LUZP2: variants seen among roughly 807,000 people sequenced by gnomAD.
The protein encoded by LUZP2 is leucine zipper protein 2.
Under a neutral mutation model 51.6 loss-of-function variants are expected in LUZP2, and 52 were observed. The observed-to-expected ratio is 1.01, with a 90% confidence interval of 0.81 to 1.27. The LOEUF (loss-of-function observed/expected upper bound fraction) is 1.27. Ranked by LOEUF, LUZP2 falls within the 50% of genes most tolerant of loss-of-function variation. The pLI is 0.00. For synonymous variants in LUZP2, 154 were observed against 137.3 expected, an observed-to-expected ratio of 1.12 and a Z score of -0.85; for missense variants, 436 against 395.4, an observed-to-expected ratio of 1.10 and a Z score of -0.87.
In LUZP2 at chr11:24,962,303, T is replaced by C. The variant is rs534887143; in HGVS notation, c.523-14288T>C. ...ATTCTCTGTATTTCCCGAATCTGAATGTTGGCCTGCCTTGCTAGATTGGGG... is the reference window on the plus strand; with the variant it reads ...ATTCTCTGTATTTCCCGAATCTGAACGTTGGCCTGCCTTGCTAGATTGGGG... On this transcript the variant is annotated intron_variant, in intron 7 of 11. Transcript: ENST00000336930. Among the ~76,000 whole-genome samples, 6 of 152,332 alleles carry C rather than the reference T, an allele frequency of 3.9e-5. No homozygotes were observed. In the East Asian group the frequency reaches 5.8e-4, roughly 15 times the overall value.
Position 24,996,572 on chromosome 11 carries a change from T to TTTTTATTTTATTTTATTTTA in LUZP2, c.765+13322_765+13341dup, listed in dbSNP as rs67696322. On this transcript the variant is annotated intron_variant, in intron 9 of 11. Coordinates refer to ENST00000336930, the MANE Select transcript of LUZP2 (RefSeq NM_001009909.4). ...TCAGATATTATTTTTCTTTTTTCTT[T>TTTTTATTTTATTTTATTTTA]TTTTATTTTATTTTATTTTATTTTA... Among the ~76,000 whole-genome samples the TTTTTATTTTATTTTATTTTA allele has an allele frequency of 3.6e-3, 478 of 132,624 alleles. 4 individuals are homozygous for TTTTTATTTTATTTTATTTTA. Among genetic ancestry groups the TTTTTATTTTATTTTATTTTA allele is most frequent in the African/African-American group, 0.013 (446 of 34,872 alleles). The allele number at this position is 132,624 out of a possible 152,430, so 87.0% of individuals were successfully genotyped here.
At chr11:24,906,861 C>T (rs1853470795) in intron 6 of LUZP2, among the ~76,000 whole-genome samples, 1 of 151,968 alleles carries the variant, frequency 6.6e-6, no homozygotes, top group Non-Finnish European at 1.5e-5. Context: ...TGTCTTATAC[C>T]TAAGATGTAG....
chr11:24,771,388 G>C (rs145712917), intron 5 of LUZP2, among the ~76,000 whole-genome samples: 1 of 149,150 alleles, frequency 6.7e-6, no homozygotes, highest in Non-Finnish European at 1.5e-5. Flanking sequence ...TATATACATG[G>C]CATCGTATCT....
chr11:24,805,007 C>CTTTTTTTT (rs71044307), intron 5 of LUZP2, among the ~76,000 whole-genome samples: 2 of 141,580 alleles, frequency 1.4e-5, no homozygotes, highest in Non-Finnish European at 1.5e-5. Context: ...ACCCGGCTAA[C>CTTTTTTTT]TTTTTTTTTT....
intron 1 of LUZP2, among the ~76,000 whole-genome samples, chr11:24,687,259 AT>A (rs998343375): frequency 4.2e-5 from 6 of 142,856 alleles, no homozygotes; most frequent in Non-Finnish European, 7.7e-5. Context: ...TAAAAAAAAA[AT>A]TTGAAACTTA....
In LUZP2 at chr11:24,966,302, A is replaced by G. The variant is rs1855581342; in HGVS notation, c.523-10289A>G. ...TTGTTGAGCTGTAAGTTTCATTTGT[A>G]TGTTTTGGATTCGAGTCCTTTCACT... On this transcript the variant is annotated intron_variant, in intron 7 of 11. Transcript: ENST00000336930. Among the ~76,000 whole-genome samples, 3 of 151,292 alleles carry G rather than the reference A, an allele frequency of 2.0e-5. 1 individual carries two copies. In the South Asian group the frequency reaches 6.2e-4, roughly 31 times the overall value.
intron 7 of LUZP2, among the ~76,000 whole-genome samples, chr11:24,960,751 T>C (rs1400536327): frequency 1.3e-5 from 2 of 152,214 alleles, no homozygotes; most frequent in African/African-American, 2.4e-5. Context: ...TTTCCTTCAG[T>C]TCTGCTCTGA....
At chr11:24,703,652 G>A (rs929637097) in intron 1 of LUZP2, among the ~76,000 whole-genome samples, 2 of 148,890 alleles carry the variant, frequency 1.3e-5, no homozygotes, top group African/African-American at 4.9e-5. Flanking sequence ...GTGACACTCT[G>A]TCTTTACTAA....
intron 9 of LUZP2, among the ~76,000 whole-genome samples, chr11:25,030,217 G>A (rs535922146): frequency 6.6e-5 from 10 of 152,046 alleles, no homozygotes; most frequent in African/African-American, 2.4e-4. Flanking sequence ...CTAATTTTTG[G>A]AACTCACATT....
chr11:24,540,901 C>T (rs1040274345), intron 1 of LUZP2, among the ~76,000 whole-genome samples: 1 of 151,990 alleles, frequency 6.6e-6, no homozygotes, highest in Non-Finnish European at 1.5e-5. Context: ...ATAGACAAAA[C>T]ATAATTTAAA....
At chr11:24,761,967 G>A (rs1859996798) in intron 4 of LUZP2, among the ~76,000 whole-genome samples, 1 of 151,772 alleles carries the variant, frequency 6.6e-6, no homozygotes, top group Non-Finnish European at 1.5e-5. Context: ...AGGAATAGAA[G>A]TTAGCTGAAA....
intron 5 of LUZP2, chr11:24,786,659 A>AATATATAAATATGTATATTATATATTT (rs1564890615): frequency 3.7e-4 from 6 of 16,322 alleles, no homozygotes; most frequent in African/African-American, 1.6e-3. Flanking sequence ...ATAGGTATAT[A>AATATATAAATATGTATATTATATATTT]ATATATAAAT....
rs1565110849 is a variant in LUZP2, at chr11:24,741,910, TA to T, written c.333+3610del. 3.8e-5 allele frequency among the ~76,000 whole-genome samples: 4 copies of T among 106,496 alleles called. No individual in the cohort carries two copies. The South Asian group carries it at 7.5e-4, about 20-fold the overall frequency. 69.9% of individuals were successfully genotyped at this position (106,496 alleles called of 152,430 possible). On this transcript the variant is annotated intron_variant, in intron 4 of 11. Coordinates refer to ENST00000336930, the MANE Select transcript of LUZP2 (RefSeq NM_001009909.4). ...ATTTATATACATATATATTTCTATA[TA>T]ATATATACATTTATATATTATATAT...
At chr11:24,514,954 G>T (rs1462215061) in intron 1 of LUZP2, among the ~76,000 whole-genome samples, 1 of 152,140 alleles carries the variant, frequency 6.6e-6, no homozygotes, top group Admixed American at 6.5e-5. Flanking sequence ...AAAGAGGAGA[G>T]TAAATGAATT....
At chr11:24,872,031 C>A (rs1852093318) in intron 5 of LUZP2, among the ~76,000 whole-genome samples, 1 of 152,060 alleles carries the variant, frequency 6.6e-6, no homozygotes, top group Non-Finnish European at 1.5e-5. Flanking sequence ...TCATTCCCCT[C>A]TGTTTTCATC....
intron 1 of LUZP2, among the ~76,000 whole-genome samples, chr11:24,574,644 GGTGA>G (rs905762249): frequency 3.7e-4 from 57 of 152,088 alleles, no homozygotes; most frequent in Admixed American, 3.3e-4. Flanking sequence ...TGAGCACTGG[GGTGA>G]GTAAGTGAAA....
Position 25,040,174 on chromosome 11 carries a change from A to G in LUZP2, c.766-9864A>G, listed in dbSNP as rs141365255. On this transcript the variant is annotated intron_variant, in intron 9 of 11. Coordinates refer to ENST00000336930, the MANE Select transcript of LUZP2 (RefSeq NM_001009909.4). ...TCAATAAATGCATATGAGCATTTGC[A>G]TGCTCCAAACAGAACTTGATTTTCA... Among the ~76,000 whole-genome samples, 23 of 152,280 alleles carry G rather than the reference A, an allele frequency of 1.5e-4. No individual in the cohort carries two copies. In the East Asian group the frequency reaches 4.4e-3, roughly 29 times the overall value.
chr11:24,753,958 G>A (rs866647651), intron 4 of LUZP2, among the ~76,000 whole-genome samples: 17 of 152,216 alleles, frequency 1.1e-4, no homozygotes, highest in Non-Finnish European at 2.1e-4. Flanking sequence ...TTTAGTATTG[G>A]GGGACCAGCC....
rs148217958 is a variant in LUZP2, at chr11:24,915,564, T to C, written c.522+1026T>C. ...GCATTTTTAGCAATTTTAGATTCTA[T>C]TGTGAAAGACTGTTTCTTTTACAGA... On this transcript the variant is annotated intron_variant, in intron 7 of 11. Transcript: ENST00000336930. Among the ~76,000 whole-genome samples the C allele has an allele frequency of 4.7e-3, 710 of 152,218 alleles. 4 individuals carry two copies. The highest frequency in any genetic ancestry group is 0.016 in the African/African-American group (682 of 41,564).
Sources: gnomAD v4.1 joint callset for allele counts (sites outside exome capture counted in the v4.1 genomes callset) on GRCh38, gnomAD v4.1.1 for gene constraint, MANE v1.5 for transcripts, NCBI Gene and HGNC (gene_info 2026-07-23, HGNC 2026-07-21) for gene names.